Variants in PHF24 observed in about 807,000 individuals in gnomAD.
The protein encoded by PHF24 is PHD finger protein 24, also known as Galpha inhibitory interacting protein.
A neutral mutation model predicts 42.6 loss-of-function variants in PHF24; 25 were observed. The ratio of observed to expected loss-of-function variants is 0.59; its 90% confidence interval spans 0.43 to 0.82. PHF24 has a LOEUF of 0.82. Among genes scored for constraint, PHF24 ranks in the 40% least tolerant of loss-of-function variants. The pLI, the probability that PHF24 is intolerant of heterozygous loss-of-function variation, is 0.00. For missense variants in PHF24, 470 were observed against 538.1 expected (o/e 0.87, Z 1.25); for synonymous variants, 185 against 204.8 (o/e 0.90, Z 0.83).
chr9:34,734,217 C>T, the PHF24 span, among the ~76,000 whole-genome samples: 9 of 152,132 alleles, frequency 5.9e-5, no homozygotes, highest in African/African-American at 1.9e-4. Flanking sequence ...TATTTGGAGC[C>T]GACTCCCCCA....
At chr9:34,718,082 A>G in the PHF24 span, among the ~76,000 whole-genome samples, 1 of 152,060 alleles carries the variant, frequency 6.6e-6, no homozygotes. Context: ...TACCGCAAGG[A>G]GGGCTTCCCT....
At chr9:34,828,799 TA>T in the PHF24 span, among the ~76,000 whole-genome samples, 3 of 152,228 alleles carry the variant, frequency 2.0e-5, no homozygotes, top group African/African-American at 7.2e-5. Context: ...TTTGTTCCTC[TA>T]TTTACTGGCT....
the PHF24 span, among the ~76,000 whole-genome samples, chr9:34,819,994 T>G: frequency 6.6e-6 from 1 of 152,130 alleles, no homozygotes; most frequent in Non-Finnish European, 1.5e-5. Flanking sequence ...AACATTAGGA[T>G]TTTTATATCC....
At chr9:34,957,007 C>T (rs1000114533), upstream of PHF24, among the ~76,000 whole-genome samples, 4 of 152,194 alleles carry the variant, frequency 2.6e-5, no homozygotes, top group African/African-American at 9.7e-5. Flanking sequence ...GTTGTTTAAC[C>T]TCTCTTTGCC....
chr9:34,822,054 C>T, the PHF24 span, among the ~76,000 whole-genome samples: 1 of 152,170 alleles, frequency 6.6e-6, no homozygotes, highest in Non-Finnish European at 1.5e-5. Flanking sequence ...TTCTTTTCTA[C>T]TTCTGTATCT....
chr9:34,711,841 C>G, the PHF24 span, among the ~76,000 whole-genome samples: 1 of 152,166 alleles, frequency 6.6e-6, no homozygotes, highest in Non-Finnish European at 1.5e-5. Flanking sequence ...CTGCGCCCAG[C>G]CTGCTATGTT....
the PHF24 span, among the ~76,000 whole-genome samples, chr9:34,787,264 A>C: frequency 1.3e-5 from 2 of 152,172 alleles, no homozygotes; most frequent in African/African-American, 4.8e-5. Context: ...GATCAGGGAC[A>C]TGGAGAGGAG....
the PHF24 span, among the ~76,000 whole-genome samples, chr9:34,795,850 T>C: frequency 9.9e-5 from 15 of 151,812 alleles, no homozygotes; most frequent in Non-Finnish European, 1.9e-4. Context: ...TAAGAAAAGG[T>C]ATCCAGGCAT....
rs1412582380 is a variant in PHF24, at chr9:34,958,999, T to G, written c.-5+598T>G. ...GTATCCCCACACCGTGGCCCAGAGG[T>G]GGGGGCCTTCTAGGGCTGCAGCCTC... is the stretch of plus-strand genomic sequence containing the variant. On this transcript the variant is annotated intron_variant, in intron 1 of 7. Coordinates refer to ENST00000242315, the Ensembl canonical transcript of PHF24. This position sits in a 1 kb window ranked among gnomAD's most constrained non-coding sequence, Gnocchi z 4.5. 1.3e-5 allele frequency among the ~76,000 whole-genome samples: 2 copies of G among 152,102 alleles called. No individual in the cohort carries two copies. The highest frequency in any genetic ancestry group is 4.8e-5 in the African/African-American group (2 of 41,424).
At chr9:34,975,930 G>C (rs1365694326) in intron 3 of PHF24, among the ~76,000 whole-genome samples, 1 of 152,070 alleles carries the variant, frequency 6.6e-6, no homozygotes. Flanking sequence ...GCTGGAGTCA[G>C]GATATCTGGG....
the PHF24 span, among the ~76,000 whole-genome samples, chr9:34,761,613 T>A: frequency 7.2e-5 from 11 of 152,182 alleles, no homozygotes; most frequent in African/African-American, 1.9e-4. Flanking sequence ...TTGTGGTTGG[T>A]TGCTATTAGA....
the PHF24 span, among the ~76,000 whole-genome samples, chr9:34,676,326 C>T: frequency 6.6e-6 from 1 of 152,108 alleles, no homozygotes; most frequent in African/African-American, 2.4e-5. Flanking sequence ...GAGTTCAAGA[C>T]CAGCCTAGGC....
the PHF24 span, chr9:34,689,664 ACACT>A: frequency 1.3e-6 from 1 of 797,242 alleles, no homozygotes; most frequent in Non-Finnish European, 2.1e-6. This position sits in a 1 kb window ranked among gnomAD's most constrained non-coding sequence, Gnocchi z 4.1. Flanking sequence ...GCTCACACTC[ACACT>A]CACACACACC....
At chr9:34,946,833 T>C in the PHF24 span, among the ~76,000 whole-genome samples, 3 of 152,022 alleles carry the variant, frequency 2.0e-5, no homozygotes, top group Admixed American at 6.5e-5. Context: ...AACATTTAAA[T>C]GGAAAAATCA....
chr9:34,900,791 T>A, the PHF24 span, among the ~76,000 whole-genome samples: 6 of 152,172 alleles, frequency 3.9e-5, no homozygotes, highest in Non-Finnish European at 7.4e-5. Flanking sequence ...AATGCCACTA[T>A]AAAAACGGTT....
chr9:34,767,720 G>A, the PHF24 span, among the ~76,000 whole-genome samples: 8 of 152,182 alleles, frequency 5.3e-5, no homozygotes, highest in Admixed American at 1.3e-4. Context: ...ACTGTCCTGC[G>A]CCCACTGTCT....
upstream of PHF24, among the ~76,000 whole-genome samples, chr9:34,955,561 T>C: frequency 6.6e-6 from 1 of 152,114 alleles, no homozygotes; most frequent in East Asian, 1.9e-4. Flanking sequence ...CCTGTAATCC[T>C]AGCTATTCGG....
At chr9:34,892,163 G>A in the PHF24 span, among the ~76,000 whole-genome samples, 1 of 152,188 alleles carries the variant, frequency 6.6e-6, no homozygotes, top group East Asian at 1.9e-4. Context: ...TCTAGGCAGT[G>A]GACAGAGGCC....
At chr9:34,902,308 AC>A in the PHF24 span, among the ~76,000 whole-genome samples, 2 of 152,336 alleles carry the variant, frequency 1.3e-5, no homozygotes, top group East Asian at 3.9e-4. Context: ...CAAAATAATT[AC>A]ATTTCCATCT....
Sources: gnomAD v4.1 joint callset for allele counts (sites outside exome capture counted in the v4.1 genomes callset) on GRCh38, gnomAD v4.1.1 for gene constraint, Gnocchi (gnomAD v3.1) non-coding constraint, MANE v1.5 for transcripts, NCBI Gene and HGNC (gene_info 2026-07-23, HGNC 2026-07-21) for gene names.